DNAJC3: variants seen among roughly 807,000 people sequenced by gnomAD.
DNAJC3 encodes DnaJ heat shock protein family (Hsp40) member C3.
Under a neutral mutation model 68.6 loss-of-function variants are expected in DNAJC3, and 38 were observed. The observed-to-expected ratio is 0.55, with a 90% CI of 0.43 to 0.73. The LOEUF (loss-of-function observed/expected upper bound fraction) is 0.73. Among genes scored for constraint, DNAJC3 ranks in the 30% least tolerant of loss-of-function variants. DNAJC3 has a pLI of 0.00. For synonymous variants in DNAJC3, 203 were observed against 204.0 expected, an observed-to-expected ratio of 1.00 and a Z score of 0.04; for missense variants, 526 against 591.9, an observed-to-expected ratio of 0.89 and a Z score of 1.16.
chr13:95,723,178 TG>T (rs1386128371), intron 2 of DNAJC3, 63 bp from the exon 3 acceptor site: 33 of 1,455,080 alleles, frequency 2.3e-5, no homozygotes, highest in Non-Finnish European at 2.9e-5. Context: ...CCAGGTGATT[TG>T]TTTTTTTTTA....
At chr13:95,781,345 T>C (rs1288981647) in intron 9 of DNAJC3, among the ~76,000 whole-genome samples, 1 of 152,130 alleles carries the variant, frequency 6.6e-6, no homozygotes, top group African/African-American at 2.4e-5. Flanking sequence ...TTATAGCTAC[T>C]TCAGCTTGCC....
intron 4 of DNAJC3, among the ~76,000 whole-genome samples, chr13:95,743,453 CCACTGTTATTACCTTCTTA>C: frequency 6.6e-6 from 1 of 152,184 alleles, no homozygotes; most frequent in Non-Finnish European, 1.5e-5. Flanking sequence ...GGCCGAGACA[CCACTGTTATTACCTTCTTA>C]AGTTAGGTTT....
rs17878562 is a variant in DNAJC3, at chr13:95,740,801, C to T, written c.393+15549C>T. The stretch of plus-strand genomic sequence containing the variant: ...GTCGCTCACGCTGGGAGCTGTAGAC[C>T]GGAGCTGTTCCTATTCGGCCATCTT... On this transcript the variant is annotated intron_variant, in intron 4 of 11. Coordinates refer to ENST00000602402, the MANE Select transcript of DNAJC3 (RefSeq NM_006260.5). Among the ~76,000 whole-genome samples, 1,007 of 152,048 alleles carry T rather than the reference C, an allele frequency of 6.6e-3. 25 individuals are homozygous for T. In the East Asian group the frequency reaches 0.094, roughly 14 times the overall value.
chr13:95,791,140 C>A lies in DNAJC3; in HGVS notation c.*110C>A. On this transcript the variant is annotated 3_prime_UTR_variant, in exon 12 of 12. Transcript: ENST00000602402. ...TCAAATCTTTTCAGTTTGTCCATGA[C>A]CAAAGAGTTGCTTTAATAGGAAAAA... 7.8e-7 allele frequency: 1 copy of A among 1,284,574 alleles called. No individual in the cohort carries two copies. The highest frequency in any genetic ancestry group is 1.5e-5 in the African/African-American group (1 of 65,522). The allele number at this position is 1,284,574 out of a possible 1,614,324, so 79.6% of individuals were successfully genotyped here.
intron 4 of DNAJC3, among the ~76,000 whole-genome samples, chr13:95,756,849 C>T (rs1351434417): frequency 6.6e-6 from 1 of 152,018 alleles, no homozygotes; most frequent in Admixed American, 6.6e-5. Context: ...TGTTAAGAGT[C>T]CCTGTGCACA....
intron 1 of DNAJC3, among the ~76,000 whole-genome samples, chr13:95,690,018 G>T (rs1880185540): frequency 6.7e-6 from 1 of 149,226 alleles, no homozygotes; most frequent in South Asian, 2.1e-4. Flanking sequence ...GATCATTCTT[G>T]GGTGTTTCTC....
chr13:95,738,860 G>A (rs1882023096), intron 4 of DNAJC3, among the ~76,000 whole-genome samples: 1 of 151,790 alleles, frequency 6.6e-6, no homozygotes, highest in Admixed American at 6.6e-5. Context: ...TTTTGATCCT[G>A]TCATTTTGAT....
At chr13:95,701,109 T>C (rs1413701664) in intron 1 of DNAJC3, among the ~76,000 whole-genome samples, 5 of 152,218 alleles carry the variant, frequency 3.3e-5, no homozygotes, top group Admixed American at 6.5e-5. Flanking sequence ...AGGTTTCAGG[T>C]GAGCCTTCAG....
chr13:95,761,023 T>C (rs990688996), intron 7 of DNAJC3, among the ~76,000 whole-genome samples: 1 of 152,226 alleles, frequency 6.6e-6, no homozygotes, highest in African/African-American at 2.4e-5. Flanking sequence ...ACTTGTACTA[T>C]ACCAAATATT....
chr13:95,731,245 G>A (rs1459299642), intron 4 of DNAJC3, among the ~76,000 whole-genome samples: 1 of 152,104 alleles, frequency 6.6e-6, no homozygotes, highest in Non-Finnish European at 1.5e-5. Flanking sequence ...TGCAAAGTGG[G>A]ACAATTTGAC....
At chr13:95,750,280 A>C (rs111453325) in intron 4 of DNAJC3, among the ~76,000 whole-genome samples, 2,564 of 151,542 alleles carry the variant, frequency 0.017, 92 homozygotes, top group African/African-American at 0.059. Context: ...AAAAAAAAAA[A>C]AAAACCCAGA....
intron 4 of DNAJC3, among the ~76,000 whole-genome samples, chr13:95,742,159 T>C (rs548680430): frequency 1.3e-5 from 2 of 152,248 alleles, no homozygotes; most frequent in Admixed American, 6.5e-5. Context: ...CTCAGTACAT[T>C]TTAAAATGTG....
intron 1 of DNAJC3, among the ~76,000 whole-genome samples, chr13:95,705,505 C>CCTCT (rs542563894): frequency 1.3e-5 from 2 of 150,512 alleles, no homozygotes; most frequent in Non-Finnish European, 3.0e-5. Context: ...TACATTTCTC[C>CCTCT]CTCTCTCTCT....
At chr13:95,743,203 T>C (rs570156273) in intron 4 of DNAJC3, among the ~76,000 whole-genome samples, 2 of 152,212 alleles carry the variant, frequency 1.3e-5, no homozygotes, top group Admixed American at 1.3e-4. Flanking sequence ...AGAAAAACTT[T>C]TGAGAATTTA....
At chr13:95,711,503 T>TAA (rs147391726) in intron 2 of DNAJC3, among the ~76,000 whole-genome samples, 2 of 150,852 alleles carry the variant, frequency 1.3e-5, no homozygotes, top group African/African-American at 2.4e-5. Context: ...ATCTCAAAAT[T>TAA]AAAAAAACAG....
chr13:95,792,055 T>TG lies in DNAJC3; in HGVS notation c.*1025_*1026insG. 6.6e-6 allele frequency: 1 copy of TG among 152,192 alleles called. No homozygotes were observed. Among genetic ancestry groups the TG allele is most frequent in the South Asian group, 2.1e-4 (1 of 4,836 alleles). The allele number at this position is 152,192 out of a possible 1,614,324, so 9.4% of individuals were successfully genotyped here. ...TGTGGTGCCTCCCACGTGGGACCTG[T>TG]CTGCTGGTATGTGTTAAACAGCAGA... On this transcript the variant is annotated 3_prime_UTR_variant, in exon 12 of 12. Coordinates refer to ENST00000602402, the MANE Select transcript of DNAJC3 (RefSeq NM_006260.5).
intron 11 of DNAJC3, 98 bp from the exon 12 acceptor site, chr13:95,790,775 C>T: frequency 7.3e-7 from 1 of 1,367,470 alleles, no homozygotes; most frequent in Non-Finnish European, 1.0e-6. Flanking sequence ...GTAAGTAGCT[C>T]CTCAAGCCCA....
intron 1 of DNAJC3, among the ~76,000 whole-genome samples, chr13:95,702,691 T>G (rs1171235235): frequency 6.6e-6 from 1 of 152,222 alleles, no homozygotes; most frequent in African/African-American, 2.4e-5. Flanking sequence ...ATCTTGGACT[T>G]GCTAGCCTCT....
intron 1 of DNAJC3, among the ~76,000 whole-genome samples, chr13:95,702,316 A>T (rs1046635949): frequency 6.6e-6 from 1 of 152,200 alleles, no homozygotes; most frequent in Non-Finnish European, 1.5e-5. Context: ...GTCCTTCAGC[A>T]CCCCAAAGAG....
Sources: gnomAD v4.1 joint callset for allele counts (sites outside exome capture counted in the v4.1 genomes callset) on GRCh38, gnomAD v4.1.1 for gene constraint, MANE v1.5 for transcripts, NCBI Gene and HGNC (gene_info 2026-07-23, HGNC 2026-07-21) for gene names.